UNC5D: variants seen among roughly 807,000 people sequenced by gnomAD.
UNC5D encodes netrin receptor UNC5D.
A neutral mutation model predicts 105.4 loss-of-function variants in UNC5D; 39 were observed. The observed-to-expected ratio is 0.37, with a 90% CI of 0.29 to 0.48. The LOEUF is 0.48. Among genes scored for constraint, UNC5D ranks in the 20% least tolerant of loss-of-function variants. The pLI is 0.98. For synonymous variants in UNC5D, 452 were observed against 450.4 expected, an observed-to-expected ratio of 1.00 and a Z score of -0.04; for missense variants, 991 against 1,202.4, an observed-to-expected ratio of 0.82 and a Z score of 2.60.
At chr8:35,521,839 T>C (rs1204679598) in intron 1 of UNC5D, among the ~76,000 whole-genome samples, 1 of 152,242 alleles carries the variant, frequency 6.6e-6, no homozygotes, top group Non-Finnish European at 1.5e-5. Flanking sequence ...ATATTTTAAG[T>C]AGCTGCTCTA....
chr8:35,767,669 G>A (rs73578258), intron 15 of UNC5D, among the ~76,000 whole-genome samples: 12,099 of 152,158 alleles, frequency 0.08, 1,338 homozygotes, highest in African/African-American at 0.25. Flanking sequence ...ATTCTATAAG[G>A]TAAGGAAATA....
At chr8:35,770,143 C>T (rs1017043197) in intron 15 of UNC5D, among the ~76,000 whole-genome samples, 1 of 152,094 alleles carries the variant, frequency 6.6e-6, no homozygotes, top group Non-Finnish European at 1.5e-5. Flanking sequence ...TAAAGCACAT[C>T]ATACTTCATG....
At chr8:35,726,608 A>G in intron 10 of UNC5D, 79 bp downstream of exon 10, 2 of 1,551,192 alleles carry the variant, frequency 1.3e-6, no homozygotes, top group Non-Finnish European at 1.7e-6. Context: ...CATCAGATTC[A>G]TTTTATGATG....
At chr8:35,468,395 C>T (rs1176689990) in intron 1 of UNC5D, among the ~76,000 whole-genome samples, 2 of 152,074 alleles carry the variant, frequency 1.3e-5, no homozygotes, top group African/African-American at 4.8e-5. Context: ...TGTAAAAGTT[C>T]GATTTCAGTG....
intron 2 of UNC5D, among the ~76,000 whole-genome samples, chr8:35,565,987 A>G (rs1817308604): frequency 6.6e-6 from 1 of 152,150 alleles, no homozygotes; most frequent in South Asian, 2.1e-4. Context: ...ATTAAAGTGT[A>G]AACAAAGAAA....
chr8:35,582,855 C>T (rs1818547136), intron 3 of UNC5D, among the ~76,000 whole-genome samples: 1 of 152,140 alleles, frequency 6.6e-6, no homozygotes. Context: ...CTCTAATTTC[C>T]TGTAGAAGAC....
At chr8:35,516,200 A>G (rs1813082920) in intron 1 of UNC5D, among the ~76,000 whole-genome samples, 2 of 152,180 alleles carry the variant, frequency 1.3e-5, no homozygotes, top group South Asian at 4.1e-4. Context: ...GTCTTGGACC[A>G]CTTCATAGAC....
At chr8:35,350,260 A>G (rs978810416) in intron 1 of UNC5D, among the ~76,000 whole-genome samples, 2 of 151,950 alleles carry the variant, frequency 1.3e-5, no homozygotes, top group African/African-American at 2.4e-5. Context: ...TTAAGCATGG[A>G]TAAACAAATT....
chr8:35,687,328 G>C (rs1356675261), intron 7 of UNC5D, among the ~76,000 whole-genome samples: 1 of 151,730 alleles, frequency 6.6e-6, no homozygotes, highest in African/African-American at 2.4e-5. Flanking sequence ...TGTAGTCCCA[G>C]CTACTCAGGA....
chr8:35,655,189 A>C (rs1823653345), intron 4 of UNC5D, among the ~76,000 whole-genome samples: 1 of 152,186 alleles, frequency 6.6e-6, no homozygotes, highest in Admixed American at 6.5e-5. Flanking sequence ...ATGCATACTA[A>C]ACATGCTCAA....
At position 35,756,712 on chromosome 8, in the gene UNC5D, A is replaced by T. The variant is rs115959900; in HGVS notation, c.2164-2608A>T. ...TTAGGCAAATAACTTTCTTCAGGGA[A>T]CTTCCATGTTTTCATGTGTAAATAA... On this transcript the variant is annotated intron_variant, in intron 13 of 16. Transcript: ENST00000404895. Among the ~76,000 whole-genome samples, 317 of 152,238 alleles carry T rather than the reference A, an allele frequency of 2.1e-3. 3 individuals are homozygous for T. Among genetic ancestry groups the T allele is most frequent in the African/African-American group, 7.2e-3 (300 of 41,554 alleles).
chr8:35,399,276 C>T (rs913290706), intron 1 of UNC5D, among the ~76,000 whole-genome samples: 3 of 151,786 alleles, frequency 2.0e-5, no homozygotes, highest in African/African-American at 7.3e-5. Context: ...AACCAATAGA[C>T]TCTTCATGCT....
At chr8:35,712,228 G>A (rs779177006) in intron 8 of UNC5D, among the ~76,000 whole-genome samples, 22 of 152,098 alleles carry the variant, frequency 1.4e-4, no homozygotes, top group Non-Finnish European at 2.6e-4. Context: ...TCAACATTGC[G>A]CCACTGTACT....
At chr8:35,676,748 A>G (rs1267226798) in intron 4 of UNC5D, among the ~76,000 whole-genome samples, 1 of 152,178 alleles carries the variant, frequency 6.6e-6, no homozygotes, top group African/African-American at 2.4e-5. Flanking sequence ...CATAACATTC[A>G]TGGATGGTTG....
intron 1 of UNC5D, among the ~76,000 whole-genome samples, chr8:35,469,400 ATAGAAGTAAATAG>A (rs1280546887): frequency 6.6e-6 from 1 of 152,230 alleles, no homozygotes; most frequent in African/African-American, 2.4e-5. Flanking sequence ...TAATCAGTAA[ATAGAAGTAAATAG>A]TATCTTCAGA....
intron 4 of UNC5D, among the ~76,000 whole-genome samples, chr8:35,644,801 TAG>T (rs1247211946): frequency 6.6e-6 from 1 of 152,148 alleles, no homozygotes; most frequent in Non-Finnish European, 1.5e-5. Flanking sequence ...GCCCAATTAG[TAG>T]AGAGACCACA....
At chr8:35,455,057 T>C (rs1348706144) in intron 1 of UNC5D, among the ~76,000 whole-genome samples, 1 of 152,172 alleles carries the variant, frequency 6.6e-6, no homozygotes, top group Non-Finnish European at 1.5e-5. Flanking sequence ...ATGGAAATTC[T>C]TAGGGTCTAT....
In UNC5D at chr8:35,390,712, T is replaced by C. The variant is rs543524224; in HGVS notation, c.103+154825T>C. On this transcript the variant is annotated intron_variant, in intron 1 of 16. Transcript: ENST00000404895. Reference sequence around the variant, plus strand: ...TAAATTTACCAATGCATATATTTCATTTTCAAATATCTCAATAGTTTCTCT... The same window carrying C: ...TAAATTTACCAATGCATATATTTCACTTTCAAATATCTCAATAGTTTCTCT... Among the ~76,000 whole-genome samples the C allele has an allele frequency of 2.0e-5, 3 of 152,330 alleles. No homozygotes were observed. The South Asian group carries it at 6.2e-4, about 32-fold the overall frequency.
chr8:35,698,583 G>A (rs534232454), intron 7 of UNC5D, among the ~76,000 whole-genome samples: 15 of 152,122 alleles, frequency 9.9e-5, no homozygotes, highest in Non-Finnish European at 1.3e-4. Context: ...GTTGAAAGTG[G>A]CAGGATGTCC....
Sources: allele counts gnomAD v4.1 joint callset (sites outside exome capture counted in the v4.1 genomes callset), GRCh38; gene constraint gnomAD v4.1.1; transcripts MANE v1.5; gene names NCBI Gene and HGNC (gene_info 2026-07-23, HGNC 2026-07-21).